C9: variants seen among roughly 807,000 people sequenced by gnomAD.
C9 encodes the protein complement component C9.
C9 carries 63 observed loss-of-function variants against 65.4 expected under a neutral mutation model. That is an observed-to-expected ratio of 0.96 (90% CI 0.79 to 1.19). The LOEUF is 1.19. C9 is among the 50% of genes most tolerant of loss of function. The probability of loss-of-function intolerance (pLI) is 0.00; values close to 1 mark genes in which losing one functional copy is unlikely to be tolerated. For synonymous variants in C9, 229 were observed against 227.9 expected (o/e 1.00, Z -0.04); for missense variants, 744 against 670.1 (o/e 1.11, Z -1.22).
At chr5:39,323,587 A>C (rs1753700653) in intron 5 of C9, among the ~76,000 whole-genome samples, 1 of 151,544 alleles carries the variant, frequency 6.6e-6, no homozygotes, top group Non-Finnish European at 1.5e-5. Flanking sequence ...ATCTCAATAG[A>C]TGTAGAAAAA....
chr5:39,309,165 TA>T (rs3836795), intron 7 of C9, among the ~76,000 whole-genome samples: 15,943 of 151,878 alleles, frequency 0.1, 1,040 homozygotes, highest in African/African-American at 0.18. Flanking sequence ...TTGCAATTCA[TA>T]AAAAAAATAA....
chr5:39,341,742 A>C (rs1021816745), intron 2 of C9, 42 bp from the exon 3 acceptor site: 1 of 1,596,222 alleles, frequency 6.3e-7, no homozygotes, highest in African/African-American at 1.3e-5. Flanking sequence ...TCTAATGCCA[A>C]AAAAAGGGTA....
rs185544642 is a variant in C9, at chr5:39,295,716, A to C, written c.1417-6765T>G. On this transcript the variant is annotated intron_variant, in intron 9 of 10. Transcript: ENST00000263408. ...CACAAAGACCTCAAATAGCCAAAGC[A>C]ATCTTAAACAAACAACAACAACAAC... 2.6e-5 allele frequency among the ~76,000 whole-genome samples: 4 copies of C among 151,816 alleles called. No individual in the cohort carries two copies. The East Asian group carries it at 7.7e-4, about 29-fold the overall frequency.
At chr5:39,315,343 C>G (rs1753551222) in intron 6 of C9, among the ~76,000 whole-genome samples, 1 of 152,068 alleles carries the variant, frequency 6.6e-6, no homozygotes, top group Admixed American at 6.6e-5. Flanking sequence ...AATAATCAGA[C>G]CAATTTTATG....
chr5:39,359,913 C>T (rs942525027), intron 1 of C9, among the ~76,000 whole-genome samples: 1 of 152,182 alleles, frequency 6.6e-6, no homozygotes, highest in South Asian at 2.1e-4. Flanking sequence ...TAACTGTTTG[C>T]TGTATTAAAT....
At chr5:39,353,119 G>C (rs1374925931) in intron 1 of C9, among the ~76,000 whole-genome samples, 2 of 152,200 alleles carry the variant, frequency 1.3e-5, no homozygotes, top group African/African-American at 4.8e-5. Context: ...TGGCTCTGAA[G>C]ATGGAAGAAG....
At chr5:39,301,675 A>G (rs934149688) in intron 9 of C9, among the ~76,000 whole-genome samples, 6 of 152,042 alleles carry the variant, frequency 3.9e-5, no homozygotes, top group Admixed American at 1.3e-4. Flanking sequence ...AATTAGTTCA[A>G]AATAAAAAGT....
At chr5:39,302,863 A>T (rs182078072) in intron 9 of C9, among the ~76,000 whole-genome samples, 1 of 152,326 alleles carries the variant, frequency 6.6e-6, no homozygotes, top group Non-Finnish European at 1.5e-5. Context: ...CTTACCAATC[A>T]GGTAGAAGAA....
Position 39,354,137 on chromosome 5 carries a change from G to T in C9, c.77+10251C>A, listed in dbSNP as rs62358366. 7.2e-5 allele frequency among the ~76,000 whole-genome samples: 11 copies of T among 152,296 alleles called. No individual in the cohort carries two copies. In the East Asian group the frequency reaches 1.3e-3, roughly 19 times the overall value. On this transcript the variant is annotated intron_variant, in intron 1 of 10. Coordinates refer to ENST00000263408, the MANE Select transcript of C9 (RefSeq NM_001737.5). ...AATGTATTACATGGGATGCCAAAAC[G>T]TCTAGAAGAACCTGCTTTCTTGGAA...
At chr5:39,357,202 C>T (rs1754426518) in intron 1 of C9, among the ~76,000 whole-genome samples, 1 of 152,194 alleles carries the variant, frequency 6.6e-6, no homozygotes, top group South Asian at 2.1e-4. Flanking sequence ...AAAGCACTTA[C>T]TTTATGAAGG....
At chr5:39,349,509 T>A (rs546898423) in intron 1 of C9, among the ~76,000 whole-genome samples, 5 of 152,350 alleles carry the variant, frequency 3.3e-5, no homozygotes, top group African/African-American at 1.2e-4. Context: ...AAAGAACAAG[T>A]CTTATCTCCT....
intron 1 of C9, among the ~76,000 whole-genome samples, chr5:39,356,301 T>C (rs2111983743): frequency 6.6e-6 from 1 of 152,344 alleles, no homozygotes; most frequent in Admixed American, 6.5e-5. Flanking sequence ...CTTAGTTCAG[T>C]GCAATGTTTC....
intron 9 of C9, among the ~76,000 whole-genome samples, chr5:39,305,029 A>G (rs1392892382): frequency 6.6e-6 from 1 of 152,190 alleles, no homozygotes; most frequent in African/African-American, 2.4e-5. Flanking sequence ...CTTTGTAGAG[A>G]TGAGAAAATA....
At chr5:39,324,188 T>C (rs530582109) in intron 5 of C9, among the ~76,000 whole-genome samples, 3 of 152,278 alleles carry the variant, frequency 2.0e-5, no homozygotes, top group Admixed American at 6.5e-5. Flanking sequence ...TGGAAAGATA[T>C]CCAATATTCA....
At chr5:39,336,299 C>A (rs554899) in intron 4 of C9, among the ~76,000 whole-genome samples, 6,877 of 151,896 alleles carry the variant, frequency 0.045, 517 homozygotes, top group African/African-American at 0.16. Flanking sequence ...TACTCTATGC[C>A]CCTTTTTATT....
rs1396652522 is a variant in C9 at position 39,315,953 on chromosome 5, T to G, written c.692A>C (p.Lys231Thr). The G allele has an allele frequency of 6.2e-7, 1 of 1,609,796 alleles. No homozygotes were observed. The highest frequency in any genetic ancestry group is 8.5e-7 in the Non-Finnish European group (1 of 1,176,474). The stretch of plus-strand genomic sequence containing the variant: ...TATAGCTGCATTAAAATTTGATGTC[T>G]TCTCTTGGATGATACTTTTAAATGC... ...IEAFKSIIQE[K>T]TSNFNAAISL... Residue 231 changes from lysine (K) to threonine (T), a missense_variant, in exon 6 of 11, where the codon AAG becomes ACG. By Grantham distance (78) the Lys-to-Thr change is moderately conservative. Coordinates refer to ENST00000263408, the MANE Select transcript of C9 (RefSeq NM_001737.5).
chr5:39,316,252 T>G (rs903480013), intron 5 of C9, among the ~76,000 whole-genome samples: 1 of 152,228 alleles, frequency 6.6e-6, no homozygotes, highest in African/African-American at 2.4e-5. Flanking sequence ...ATTCTTAGTC[T>G]ATAAAACAGG....
rs1000167921 is a variant in C9 at position 39,311,070 on chromosome 5, G to C, written c.1111+67C>G. On this transcript the variant is annotated intron_variant, in intron 7 of 10. Transcript: ENST00000263408. Reference sequence around the variant, plus strand: ...TCTTAAGACTTTAACCATTGAAACAGGTTGGTGAACAAAATAATGTTTGGT... The same window carrying C: ...TCTTAAGACTTTAACCATTGAAACACGTTGGTGAACAAAATAATGTTTGGT... The C allele has an allele frequency of 3.9e-6, 6 of 1,542,592 alleles. No individual in the cohort carries two copies. The African/African-American group carries it at 8.2e-5, about 21-fold the overall frequency.
intron 1 of C9, among the ~76,000 whole-genome samples, chr5:39,355,546 G>A (rs1421095): frequency 0.33 from 49,826 of 151,558 alleles, 8,625 homozygotes; most frequent in Middle Eastern, 0.46. Context: ...TTGCTCTCCC[G>A]GACTGTGACT....
Sources: gnomAD v4.1 joint callset for allele counts (sites outside exome capture counted in the v4.1 genomes callset) on GRCh38, gnomAD v4.1.1 for gene constraint, MANE v1.5 for transcripts, NCBI Gene and HGNC (gene_info 2026-07-23, HGNC 2026-07-21) for gene names.